Variants in PLPP1 observed in about 807,000 individuals in gnomAD.
PLPP1 encodes the protein phospholipid phosphatase 1.
A neutral mutation model predicts 31.2 loss-of-function variants in PLPP1; 24 were observed. The observed-to-expected ratio is 0.77, with a 90% CI of 0.56 to 1.08. The LOEUF is 1.08. Among genes scored for constraint, PLPP1 ranks in the 50% least tolerant of loss-of-function variants. PLPP1 has a pLI of 0.00. For synonymous variants in PLPP1, 146 were observed against 126.3 expected, an observed-to-expected ratio of 1.16 and a Z score of -1.05; for missense variants, 319 against 342.7, an observed-to-expected ratio of 0.93 and a Z score of 0.55.
rs1753026310 is a variant in PLPP1, at chr5:55,497,413, TTTTTTC to T, written c.59-21969_59-21964del. Among the ~76,000 whole-genome samples, 4 of 139,792 alleles carry T rather than the reference TTTTTTC, an allele frequency of 2.9e-5. No individual in the cohort carries two copies. The South Asian group carries it at 9.3e-4, about 33-fold the overall frequency. The allele number at this position is 139,792 out of a possible 152,430, so 91.7% of individuals were successfully genotyped here. A position where few individuals can be genotyped will look rare whatever the true frequency, so the allele number is the denominator to read the frequency against. Reference sequence around the variant, plus strand: ...GGCCTGTGCTACCATTCCTGGCTAATTTTTTCTTTTTTTTTTTTTGGTAGGGACAGA... The same window carrying T: ...GGCCTGTGCTACCATTCCTGGCTAATTTTTTTTTTTTTTGGTAGGGACAGA... On this transcript the variant is annotated intron_variant, in intron 1 of 5. Coordinates refer to ENST00000307259, the MANE Select transcript of PLPP1 (RefSeq NM_003711.4).
At chr5:55,436,036 ACTT>A (rs1751486220) in intron 4 of PLPP1, among the ~76,000 whole-genome samples, 1 of 124,844 alleles carries the variant, frequency 8.0e-6, no homozygotes, top group Admixed American at 8.2e-5. Context: ...AAAAAAAAAA[ACTT>A]CTTAGCCGGG....
At chr5:55,442,793 T>C (rs955761228) in intron 3 of PLPP1, among the ~76,000 whole-genome samples, 1 of 152,166 alleles carries the variant, frequency 6.6e-6, no homozygotes, top group Non-Finnish European at 1.5e-5. Context: ...GACAGAATGC[T>C]TACAAAACTT....
intron 1 of PLPP1, among the ~76,000 whole-genome samples, chr5:55,493,335 G>A (rs924052785): frequency 3.3e-5 from 5 of 151,052 alleles, no homozygotes; most frequent in Admixed American, 3.3e-4. Flanking sequence ...AAAAGAAGAA[G>A]AAAAAACTGA....
At chr5:55,534,244 T>C (rs2111971582) in intron 1 of PLPP1, among the ~76,000 whole-genome samples, 1 of 152,290 alleles carries the variant, frequency 6.6e-6, no homozygotes, top group South Asian at 2.1e-4. Flanking sequence ...CAGGCTCCTC[T>C]ACCGTACAGA....
intron 3 of PLPP1, among the ~76,000 whole-genome samples, chr5:55,454,321 T>C (rs1393206957): frequency 6.6e-6 from 1 of 152,186 alleles, no homozygotes; most frequent in African/African-American, 2.4e-5. Flanking sequence ...TATTAGATAA[T>C]ATTATCTAAT....
At chr5:55,528,024 G>C (rs1481505848) in intron 1 of PLPP1, among the ~76,000 whole-genome samples, 1 of 152,162 alleles carries the variant, frequency 6.6e-6, no homozygotes, top group Non-Finnish European at 1.5e-5. Context: ...AAAAGATCTG[G>C]AAGGGCAAAT....
At chr5:55,525,245 T>C (rs899408692) in intron 1 of PLPP1, among the ~76,000 whole-genome samples, 3 of 152,250 alleles carry the variant, frequency 2.0e-5, no homozygotes, top group African/African-American at 4.8e-5. Flanking sequence ...ACATACATCA[T>C]GCATATTAAG....
At chr5:55,505,536 AC>A (rs1320571025) in intron 1 of PLPP1, among the ~76,000 whole-genome samples, 1 of 152,124 alleles carries the variant, frequency 6.6e-6, no homozygotes, top group Non-Finnish European at 1.5e-5. Flanking sequence ...ATATTTGCCC[AC>A]ATATTATCTC....
chr5:55,518,862 A>G (rs1561255465), intron 1 of PLPP1, among the ~76,000 whole-genome samples: 1 of 152,234 alleles, frequency 6.6e-6, no homozygotes, highest in Non-Finnish European at 1.5e-5. Context: ...ATTATAATTT[A>G]CAATCAGTAA....
At chr5:55,431,689 A>G (rs1265426974) in intron 4 of PLPP1, among the ~76,000 whole-genome samples, 1 of 152,214 alleles carries the variant, frequency 6.6e-6, no homozygotes, top group African/African-American at 2.4e-5. Flanking sequence ...ATAATCTAAC[A>G]ATGCAACTCA....
chr5:55,427,174 T>C (rs1179478048), intron 4 of PLPP1, among the ~76,000 whole-genome samples: 1 of 152,034 alleles, frequency 6.6e-6, no homozygotes, highest in Non-Finnish European at 1.5e-5. Flanking sequence ...TGTTCAATAA[T>C]ATATGACTCG....
chr5:55,531,512 T>C (rs971097648), intron 1 of PLPP1, among the ~76,000 whole-genome samples: 1 of 152,246 alleles, frequency 6.6e-6, no homozygotes, highest in Non-Finnish European at 1.5e-5. Flanking sequence ...CTGGAATGTA[T>C]CCACATTATA....
chr5:55,532,478 C>A (rs570236941), intron 1 of PLPP1, among the ~76,000 whole-genome samples: 30 of 152,128 alleles, frequency 2.0e-4, no homozygotes, highest in South Asian at 1.2e-3. Flanking sequence ...TTTTTCTGAT[C>A]GAACATTTTC....
chr5:55,462,487 A>G (rs1245990379), intron 3 of PLPP1, among the ~76,000 whole-genome samples: 2 of 152,248 alleles, frequency 1.3e-5, no homozygotes, highest in Admixed American at 6.5e-5. Flanking sequence ...TACACAAAAA[A>G]ATAATTCAAA....
chr5:55,498,549 G>T (rs1359203776), intron 1 of PLPP1, among the ~76,000 whole-genome samples: 2 of 151,926 alleles, frequency 1.3e-5, no homozygotes, highest in Non-Finnish European at 2.9e-5. Context: ...GCATTTCAAG[G>T]AATATTTATG....
At chr5:55,527,437 G>A (rs1164094588) in intron 1 of PLPP1, among the ~76,000 whole-genome samples, 4 of 152,172 alleles carry the variant, frequency 2.6e-5, no homozygotes, top group Admixed American at 6.5e-5. Flanking sequence ...AGCATGCTGA[G>A]GGAACCATAA....
At chr5:55,512,819 AGATGT>A (rs1437193262) in intron 1 of PLPP1, among the ~76,000 whole-genome samples, 2 of 152,230 alleles carry the variant, frequency 1.3e-5, no homozygotes, top group Non-Finnish European at 2.9e-5. Flanking sequence ...AATCTATAAC[AGATGT>A]ATGTACAAGA....
At position 55,534,789 on chromosome 5, in the gene PLPP1, C is replaced by T; in HGVS notation, c.-160G>A. ...CAGCCGAGGGCGGGCTGAGACCGGG[C>T]GGCGCTCCCACCGCCAGCAATGGCG... On this transcript the variant is annotated 5_prime_UTR_variant, in exon 1 of 6. Transcript: ENST00000307259. 4.2e-6 allele frequency: 3 copies of T among 713,220 alleles called. No individual in the cohort carries two copies. The highest frequency in any genetic ancestry group is 4.3e-6 in the Non-Finnish European group (2 of 467,572). 44.2% of individuals were successfully genotyped at this position (713,220 alleles called of 1,614,324 possible). A position where few individuals can be genotyped will look rare whatever the true frequency, so the allele number is the denominator to read the frequency against.
intron 1 of PLPP1, among the ~76,000 whole-genome samples, chr5:55,486,540 C>G (rs1752778493): frequency 6.6e-6 from 1 of 151,720 alleles, no homozygotes; most frequent in Non-Finnish European, 1.5e-5. Context: ...GAGCTGAGAT[C>G]ACACCACTAT....
Sources: allele counts gnomAD v4.1 joint callset (sites outside exome capture counted in the v4.1 genomes callset), GRCh38; gene constraint gnomAD v4.1.1; transcripts MANE v1.5; gene names NCBI Gene and HGNC (gene_info 2026-07-23, HGNC 2026-07-21).